OGDHL: variants seen among roughly 807,000 people sequenced by gnomAD.
The protein encoded by OGDHL is 2-oxoglutarate dehydrogenase-like, mitochondrial.
In OGDHL, 79 loss-of-function variants were observed where a neutral mutation model predicts 109.6. The observed-to-expected ratio is 0.72, with a 90% confidence interval of 0.60 to 0.87. The LOEUF is 0.87. Among genes scored for constraint, OGDHL ranks in the 40% least tolerant of loss-of-function variants. The pLI is 0.00. For synonymous variants in OGDHL, 528 were observed against 537.2 expected (o/e 0.98, Z 0.24); for missense variants, 1,275 against 1,362.2 (o/e 0.94, Z 1.01).
At chr10:49,735,770 T>A (rs571556981) in intron 22 of OGDHL, among the ~76,000 whole-genome samples, 2 of 152,358 alleles carry the variant, frequency 1.3e-5, no homozygotes, top group Admixed American at 1.3e-4. Context: ...TTTGTAGAGA[T>A]GCAGGGACTA....
chr10:49,758,688 C>A, intron 1 of OGDHL, 95 bp from the exon 2 acceptor site: 1 of 1,240,666 alleles, frequency 8.1e-7, no homozygotes, highest in East Asian at 2.5e-5. Flanking sequence ...ACTTGTCATT[C>A]CCACTGGGCA....
intron 15 of OGDHL, among the ~76,000 whole-genome samples, chr10:49,742,432 CATACAACAAA>C (rs1841823283): frequency 7.1e-6 from 1 of 141,460 alleles, no homozygotes; most frequent in Non-Finnish European, 1.5e-5. Context: ...ACACACCACA[CATACAACAAA>C]CACACCACAC....
At chr10:49,754,416 T>C (rs1258773956) in intron 3 of OGDHL, among the ~76,000 whole-genome samples, 6 of 152,214 alleles carry the variant, frequency 3.9e-5, no homozygotes, top group Admixed American at 2.6e-4. Flanking sequence ...AATCACCTCA[T>C]AATTTTGAAA....
Position 49,740,802 on chromosome 10 carries a change from T to C in OGDHL, c.2048A>G (p.Asp683Gly). ...ATTCATAGGCACACACGTCCTGCGG[T>C]CAACCTCCTGGTCATGGAGAACATG... is the stretch of plus-strand genomic sequence containing the variant. ...RHHVLHDQEV[D>G]RRTCVPMNHL... The change falls in exon 16 of 23, where the codon GAC becomes GGC. Residue 683 changes from aspartate (D) to glycine (G), a missense_variant. Asp to Gly is a moderately conservative substitution (Grantham distance 94). Coordinates refer to ENST00000374103, the MANE Select transcript of OGDHL (RefSeq NM_018245.3). 6.2e-7 allele frequency: 1 copy of C among 1,613,874 alleles called. No individual in the cohort carries two copies. The highest frequency in any genetic ancestry group is 2.2e-5 in the East Asian group (1 of 44,868).
intron 7 of OGDHL, among the ~76,000 whole-genome samples, chr10:49,750,369 A>C (rs1842503179): frequency 6.6e-6 from 1 of 152,122 alleles, no homozygotes; most frequent in African/African-American, 2.4e-5. Context: ...CAAGCCTCCT[A>C]GATCTTCATC....
intron 1 of OGDHL, among the ~76,000 whole-genome samples, chr10:49,760,921 T>C (rs553854306): frequency 7.2e-5 from 11 of 152,350 alleles, no homozygotes; most frequent in African/African-American, 2.6e-4. Context: ...TTGGGCCAGA[T>C]AGGGACAAAG....
intron 3 of OGDHL, 146 bp from the exon 4 acceptor site, chr10:49,752,886 G>A (rs1210450122): frequency 3.2e-6 from 2 of 618,352 alleles, no homozygotes; most frequent in African/African-American, 1.8e-5. Flanking sequence ...CTTCACTGCT[G>A]CCTGCGAGAC....
intron 17 of OGDHL, 82 bp from the exon 18 acceptor site, chr10:49,738,344 G>T (rs543182410): frequency 6.7e-7 from 1 of 1,493,782 alleles, no homozygotes; most frequent in East Asian, 2.3e-5. Flanking sequence ...AGGCTCAGGG[G>T]AAAGTCTGGA....
At chr10:49,738,428 A>C in intron 17 of OGDHL, 166 bp from the exon 18 acceptor site, 1 of 660,422 alleles carries the variant, frequency 1.5e-6, no homozygotes, top group Admixed American at 2.6e-5. Flanking sequence ...GAACAAGAGC[A>C]GAATGGGAAT....
chr10:49,735,964 GGAGCCAGGACA>G (rs1841129461), intron 22 of OGDHL, 48 bp downstream of exon 22: 1 of 1,503,444 alleles, frequency 6.7e-7, no homozygotes, highest in African/African-American at 1.4e-5. Flanking sequence ...TGGGACAGAT[GGAGCCAGGACA>G]GAGCCTCAGG....
intron 10 of OGDHL, 63 bp from the exon 11 acceptor site, chr10:49,746,040 A>G (rs922892881): frequency 5.1e-6 from 8 of 1,560,388 alleles, no homozygotes; most frequent in East Asian, 2.3e-5. Flanking sequence ...AGAAGGTGCC[A>G]GCCTTGGAGA....
chr10:49,736,935 CCT>C (rs1841240989), intron 20 of OGDHL, among the ~76,000 whole-genome samples: 1 of 152,152 alleles, frequency 6.6e-6, no homozygotes, highest in South Asian at 2.1e-4. Flanking sequence ...GCATGCTCCT[CCT>C]CTTTCAGCCT....
At position 49,745,880 on chromosome 10, in the gene OGDHL, T is replaced by C. The variant is rs1842143678; in HGVS notation, c.1394A>G (p.Asp465Gly). 1 of 1,614,166 alleles carries C rather than the reference T, an allele frequency of 6.2e-7. No individual in the cohort carries two copies. Among genetic ancestry groups the C allele is most frequent in the Non-Finnish European group, 8.5e-7 (1 of 1,180,020 alleles). The change falls in exon 11 of 23, where the codon GAT becomes GGT. Residue 465 changes from aspartate (D) to glycine (G), a missense_variant. Physicochemically the swap from Asp to Gly is moderately conservative, Grantham distance 94. Coordinates refer to ENST00000374103, the MANE Select transcript of OGDHL (RefSeq NM_018245.3). ...CACATATATCACAGCCTCTGGGTCA[T>C]CGGCATTCACATGGAAGATAGGCGC... is the stretch of plus-strand genomic sequence containing the variant. Reference protein sequence around the residue: ...VNAPIFHVNADDPEAVIYVCS... With the variant: ...VNAPIFHVNAGDPEAVIYVCS...
rs747509480 is a variant in OGDHL, at chr10:49,744,710, C to A, written c.1672G>T (p.Gly558Cys). 1 of 1,614,212 alleles carries A rather than the reference C, an allele frequency of 6.2e-7. No individual in the cohort carries two copies. Among genetic ancestry groups the A allele is most frequent in the South Asian group, 1.1e-5 (1 of 91,080 alleles). ...AGAATCTTTTTATCCTTGGACCTGC[C>A]ATAAGCCTCCTCACAGATCCGGTCG... ...KYDRICEEAY[G>C]RSKDKKILHI... The change falls in exon 13 of 23, where the codon GGC becomes TGC. Residue 558 changes from glycine to cysteine, a missense_variant. By Grantham distance (159) the Gly-to-Cys change is radical. Coordinates refer to ENST00000374103, the MANE Select transcript of OGDHL (RefSeq NM_018245.3).
At chr10:49,741,178 C>T (rs1365011742) in intron 15 of OGDHL, among the ~76,000 whole-genome samples, 2 of 152,118 alleles carry the variant, frequency 1.3e-5, no homozygotes, top group Non-Finnish European at 2.9e-5. Flanking sequence ...AGACACTTCC[C>T]AGGTGCCAGC....
intron 20 of OGDHL, among the ~76,000 whole-genome samples, chr10:49,737,426 G>C (rs1841279738): frequency 1.3e-5 from 2 of 152,196 alleles, no homozygotes; most frequent in Admixed American, 1.3e-4. Flanking sequence ...GGGGACACCA[G>C]GACCCCAGGG....
chr10:49,753,530 C>A lies in OGDHL; in HGVS notation c.376-790G>T, dbSNP rs926988874. On this transcript the variant is annotated intron_variant, in intron 3 of 22. Coordinates refer to ENST00000374103, the MANE Select transcript of OGDHL (RefSeq NM_018245.3). ...CATTCCAATTGACTAATGGAACATTCCCTAAAGACAAACAGAAAAAAATTC... is the reference window on the plus strand; with the variant it reads ...CATTCCAATTGACTAATGGAACATTACCTAAAGACAAACAGAAAAAAATTC... Among the ~76,000 whole-genome samples the A allele has an allele frequency of 2.0e-5, 3 of 152,152 alleles. No homozygotes were observed. The South Asian group carries it at 6.2e-4, about 32-fold the overall frequency.
chr10:49,752,839 G>A (rs112362390), intron 3 of OGDHL, 99 bp from the exon 4 acceptor site: 10,749 of 826,142 alleles, frequency 0.013, 92 homozygotes, highest in Non-Finnish European at 0.017. Flanking sequence ...TCCCATTCCC[G>A]AATGTTAAGC....
chr10:49,748,163 G>A (rs983156758), intron 8 of OGDHL, among the ~76,000 whole-genome samples: 3 of 151,654 alleles, frequency 2.0e-5, no homozygotes, highest in African/African-American at 4.9e-5. Context: ...AGATAAACTC[G>A]CTCACACATG....
Sources: gnomAD v4.1 joint callset for allele counts (sites outside exome capture counted in the v4.1 genomes callset) on GRCh38, gnomAD v4.1.1 for gene constraint, MANE v1.5 for transcripts, NCBI Gene and HGNC (gene_info 2026-07-23, HGNC 2026-07-21) for gene names.